SASH1: variants seen among roughly 807,000 people sequenced by gnomAD.
SASH1 encodes SAM and SH3 domain containing 1.
SASH1 carries 44 observed loss-of-function variants against 125.2 expected under a neutral mutation model. The observed-to-expected ratio is 0.35, with a 90% CI of 0.28 to 0.45. The LOEUF (loss-of-function observed/expected upper bound fraction) is 0.45, where lower values mean the gene tolerates loss of function less well. Among genes scored for constraint, SASH1 ranks in the 20% least tolerant of loss-of-function variants. The pLI, the probability that SASH1 is intolerant of heterozygous loss-of-function variation, is 1.00. For synonymous variants in SASH1, 639 were observed against 649.1 expected, an observed-to-expected ratio of 0.98 and a Z score of 0.24; for missense variants, 1,426 against 1,614.5, an observed-to-expected ratio of 0.88 and a Z score of 2.00.
intron 1 of SASH1, among the ~76,000 whole-genome samples, chr6:148,356,070 G>GTTTTTTTTTTTTTTTTTTTT (rs200129121): frequency 7.2e-6 from 1 of 139,798 alleles, no homozygotes; most frequent in African/African-American, 2.7e-5. Context: ...GTATCATTCT[G>GTTTTTTTTTTTTTTTTTTTT]TTTTTTTTTT....
chr6:148,441,299 G>A (rs780171098), intron 4 of SASH1, among the ~76,000 whole-genome samples: 1 of 152,214 alleles, frequency 6.6e-6, no homozygotes, highest in African/African-American at 2.4e-5. Flanking sequence ...ATCCATCCAC[G>A]TGTGTGTGCT....
At chr6:148,223,486 A>T in the SASH1 span, among the ~76,000 whole-genome samples, 1 of 152,322 alleles carries the variant, frequency 6.6e-6, no homozygotes, top group African/African-American at 2.4e-5. Flanking sequence ...GATGTGGGTT[A>T]CAAGTGACCA....
intron 8 of SASH1, chr6:148,508,445 CAT>C: frequency 1.0e-6 from 1 of 997,924 alleles, no homozygotes; most frequent in Non-Finnish European, 1.2e-6. Context: ...TCTGGAATTC[CAT>C]AGACAGTAAT....
At chr6:148,378,630 G>C (rs79679517) in intron 1 of SASH1, among the ~76,000 whole-genome samples, 7,525 of 151,328 alleles carry the variant, frequency 0.05, 640 homozygotes, top group African/African-American at 0.18. Context: ...GTGATTATCA[G>C]CGTGAGCCAC....
intron 8 of SASH1, among the ~76,000 whole-genome samples, chr6:148,501,207 A>G (rs911058383): frequency 4.6e-5 from 7 of 151,904 alleles, no homozygotes; most frequent in Non-Finnish European, 8.8e-5. Flanking sequence ...CTACATTGCC[A>G]TTTGCCTAGA....
At chr6:148,334,038 G>C (rs1446695270) in intron 1 of SASH1, among the ~76,000 whole-genome samples, 1 of 151,240 alleles carries the variant, frequency 6.6e-6, no homozygotes, top group East Asian at 2.0e-4. Flanking sequence ...TAGCCAGGAT[G>C]GTCTCGATCT....
rs920832237 is a variant in SASH1, at chr6:148,411,797, G to T, written c.285+21535G>T. 4.6e-5 allele frequency among the ~76,000 whole-genome samples: 7 copies of T among 152,322 alleles called. No homozygotes were observed. In the East Asian group the frequency reaches 1.2e-3, roughly 25 times the overall value. On this transcript the variant is annotated intron_variant, in intron 2 of 19. Transcript: ENST00000367467. ...GACCTCAAGTGATCTGCCTGCCTCG[G>T]CCTCCCAAAGTGCTGAGATTACAGG...
rs1361543100 is a variant in SASH1 at position 148,487,602 on chromosome 6, T to A, written c.628-12T>A. The A allele has an allele frequency of 6.2e-7, 1 of 1,605,836 alleles. No homozygotes were observed. On this transcript the variant is annotated splice_polypyrimidine_tract_variant and intron_variant, in intron 7 of 19. Coordinates refer to ENST00000367467, the MANE Select transcript of SASH1 (RefSeq NM_015278.5). ...TTCTTTCCATTTCAGTATCCATTTC[T>A]TCTTGTTACAGCTCAAGGAATACGA...
At chr6:148,418,225 G>C (rs1175566835) in intron 2 of SASH1, among the ~76,000 whole-genome samples, 1 of 152,116 alleles carries the variant, frequency 6.6e-6, no homozygotes, top group Non-Finnish European at 1.5e-5. Context: ...CTTGCATATA[G>C]TTATTTAAGA....
Position 148,544,187 on chromosome 6 carries a change from T to G in SASH1, c.2717T>G (p.Leu906Trp). ...AAGAGATTTTCTGAACCTCAGAAATTGACAACTAAGAAACTGGAGGGCTCA... is the reference window on the plus strand; with the variant it reads ...AAGAGATTTTCTGAACCTCAGAAATGGACAACTAAGAAACTGGAGGGCTCA... ...QSKRFSEPQK[L>W]TTKKLEGSIA... Residue 906 changes from leucine (L) to tryptophan (W), a missense_variant, in exon 18 of 20, where the codon TTG (leucine) becomes TGG (tryptophan). By Grantham distance (61) the Leu-to-Trp change is moderately conservative. Transcript: ENST00000367467. This position sits in a 1 kb window ranked among gnomAD's most constrained non-coding sequence, Gnocchi z 6.4. 6.2e-7 allele frequency: 1 copy of G among 1,614,106 alleles called. No individual in the cohort carries two copies. Among genetic ancestry groups the G allele is most frequent in the South Asian group, 1.1e-5 (1 of 91,092 alleles).
chr6:148,405,940 A>G (rs1240262972), intron 2 of SASH1, among the ~76,000 whole-genome samples: 1 of 152,224 alleles, frequency 6.6e-6, no homozygotes, highest in African/African-American at 2.4e-5. Context: ...TCAGAAATCG[A>G]CAGTGTAATC....
At chr6:148,547,586 T>C (rs1053114326) in intron 19 of SASH1, among the ~76,000 whole-genome samples, 9 of 152,224 alleles carry the variant, frequency 5.9e-5, no homozygotes, top group Admixed American at 5.2e-4. Flanking sequence ...TTATTTTAAA[T>C]AATGTAATGA....
At chr6:148,240,077 G>T in the SASH1 span, 2 of 152,120 alleles carry the variant, frequency 1.3e-5, no homozygotes, top group Middle Eastern at 3.4e-3. Context: ...AAAAAATGCA[G>T]TTATATCAGA....
chr6:148,327,944 AAAAAAAAAAAAAGAAAAAG>A (rs1415419952), intron 1 of SASH1, among the ~76,000 whole-genome samples: 1 of 151,332 alleles, frequency 6.6e-6, no homozygotes, highest in African/African-American at 2.4e-5. Flanking sequence ...CTGTCTAAAA[AAAAAAAAAAAAAGAAAAAG>A]AAAAAGAAAA....
chr6:148,396,996 C>A (rs1463438270), intron 2 of SASH1, among the ~76,000 whole-genome samples: 1 of 152,020 alleles, frequency 6.6e-6, no homozygotes, highest in Non-Finnish European at 1.5e-5. Flanking sequence ...ATTACTTGTA[C>A]TTCATTAATA....
the SASH1 span, among the ~76,000 whole-genome samples, chr6:148,264,276 T>C: frequency 5.3e-5 from 8 of 151,906 alleles, 1 homozygote; most frequent in African/African-American, 1.7e-4. Flanking sequence ...CTGTCCCAGC[T>C]GGGAATGTAG....
intron 1 of SASH1, among the ~76,000 whole-genome samples, chr6:148,290,897 A>G (rs1265697669): frequency 1.3e-5 from 2 of 151,182 alleles, no homozygotes; most frequent in East Asian, 1.9e-4. Context: ...AAAAAAAAAA[A>G]AGAAAGAGAA....
chr6:148,447,696 CTCCTCT>C (rs1776862976), intron 4 of SASH1, among the ~76,000 whole-genome samples: 1 of 150,922 alleles, frequency 6.6e-6, no homozygotes, highest in Non-Finnish European at 1.5e-5. Flanking sequence ...TCTTCCTCTT[CTCCTCT>C]TCCTCCTTCT....
chr6:148,198,469 C>A, the SASH1 span, among the ~76,000 whole-genome samples: 1 of 152,296 alleles, frequency 6.6e-6, no homozygotes, highest in South Asian at 2.1e-4. Flanking sequence ...TGGCAGCATA[C>A]TTCAGGTCAA....
Sources: allele counts gnomAD v4.1 joint callset (sites outside exome capture counted in the v4.1 genomes callset), GRCh38; gene constraint gnomAD v4.1.1; non-coding constraint Gnocchi (gnomAD v3.1); transcripts MANE v1.5; gene names NCBI Gene and HGNC (gene_info 2026-07-23, HGNC 2026-07-21).